Variants in RALGAPA2 observed in about 807,000 individuals in gnomAD.
The protein encoded by RALGAPA2 is Ral GTPase activating protein catalytic subunit alpha 2, also known as ral GTPase-activating protein subunit alpha-2.
In RALGAPA2, 139 loss-of-function variants were observed where a neutral mutation model predicts 230.4. The observed-to-expected ratio is 0.60, with a 90% CI of 0.53 to 0.69. The LOEUF (loss-of-function observed/expected upper bound fraction) is 0.69, where lower values mean the gene tolerates loss of function less well. Among genes scored for constraint, RALGAPA2 ranks in the 30% least tolerant of loss-of-function variants. The probability of loss-of-function intolerance (pLI) is 0.00; values close to 1 mark genes in which losing one functional copy is unlikely to be tolerated. For missense variants in RALGAPA2, 2,163 were observed against 2,276.0 expected, an observed-to-expected ratio of 0.95 and a Z score of 1.01; for synonymous variants, 847 against 837.8, an observed-to-expected ratio of 1.01 and a Z score of -0.19.
At chr20:20,703,915 C>T (rs568162643) in intron 1 of RALGAPA2, among the ~76,000 whole-genome samples, 7 of 152,278 alleles carry the variant, frequency 4.6e-5, no homozygotes, top group East Asian at 3.9e-4. Context: ...ATAGATTTTC[C>T]GCCTTCTTGA....
At chr20:20,679,742 G>A (rs1054407485) in intron 2 of RALGAPA2, among the ~76,000 whole-genome samples, 4 of 151,964 alleles carry the variant, frequency 2.6e-5, no homozygotes, top group African/African-American at 7.3e-5. Context: ...CATTCCCAAG[G>A]CCACCTCTTC....
chr20:20,616,226 C>A, intron 12 of RALGAPA2, 35 bp from the exon 13 acceptor site: 1 of 1,385,850 alleles, frequency 7.2e-7, no homozygotes, highest in South Asian at 1.5e-5. Flanking sequence ...GAAAATATAA[C>A]TGAACATAAA....
intron 20 of RALGAPA2, among the ~76,000 whole-genome samples, chr20:20,579,018 C>T (rs1455585175): frequency 2.6e-5 from 4 of 152,180 alleles, no homozygotes; most frequent in East Asian, 1.9e-4. Context: ...AAAATATAGG[C>T]GATGACAGAG....
In RALGAPA2 at chr20:20,583,124, G is replaced by T. The variant is rs1011037419; in HGVS notation, c.2633C>A (p.Pro878His). The T allele has an allele frequency of 2.5e-6, 4 of 1,613,712 alleles. No individual in the cohort carries two copies. The highest frequency in any genetic ancestry group is 1.7e-5 in the Admixed American group (1 of 59,972). ...TCEEDPELNT[P>H]TDVVADADAR... Reference sequence around the variant, plus strand: ...ATCAGCATCAGCCACAACATCTGTGGGAGTATTCAGTTCTGGGTCTTCCTC... The same window carrying T: ...ATCAGCATCAGCCACAACATCTGTGTGAGTATTCAGTTCTGGGTCTTCCTC... The change falls in exon 20 of 40, where the codon CCC (proline) becomes CAC (histidine). Residue 878 changes from proline to histidine, a missense_variant. By Grantham distance (77) the Pro-to-His change is moderately conservative (BLOSUM62 -2). Transcript: ENST00000202677.
intron 31 of RALGAPA2, among the ~76,000 whole-genome samples, chr20:20,515,858 C>A (rs2062855423): frequency 1.3e-5 from 2 of 149,920 alleles, no homozygotes; most frequent in African/African-American, 5.0e-5. Context: ...GCGGGGGGGG[C>A]AGGGAAGTGC....
intron 1 of RALGAPA2, among the ~76,000 whole-genome samples, chr20:20,694,835 A>C (rs918429146): frequency 6.6e-6 from 1 of 152,238 alleles, no homozygotes; most frequent in Non-Finnish European, 1.5e-5. Context: ...CCTGGAAAGC[A>C]CGTTCACCGG....
chr20:20,482,329 A>C (rs2061797185), intron 36 of RALGAPA2, among the ~76,000 whole-genome samples: 1 of 152,212 alleles, frequency 6.6e-6, no homozygotes, highest in Non-Finnish European at 1.5e-5. Flanking sequence ...AAGAAGGCAA[A>C]AGGGAAAAAA....
chr20:20,597,432 T>C (rs1405649432), intron 16 of RALGAPA2, among the ~76,000 whole-genome samples: 1 of 152,218 alleles, frequency 6.6e-6, no homozygotes, highest in Non-Finnish European at 1.5e-5. Flanking sequence ...GTCCTCGCTC[T>C]TGGTAAAACT....
intron 23 of RALGAPA2, among the ~76,000 whole-genome samples, chr20:20,568,027 T>G (rs997399535): frequency 1.3e-5 from 2 of 151,922 alleles, no homozygotes; most frequent in Admixed American, 1.3e-4. Context: ...AAATAAATAC[T>G]CCTAAGCACC....
chr20:20,689,168 T>C (rs918487591), intron 1 of RALGAPA2, among the ~76,000 whole-genome samples: 46 of 152,336 alleles, frequency 3.0e-4, no homozygotes, highest in African/African-American at 1.1e-3. Context: ...TGTTGATATA[T>C]TTTAAGTGAA....
chr20:20,569,379 G>A (rs1267342515), intron 23 of RALGAPA2, among the ~76,000 whole-genome samples: 1 of 152,060 alleles, frequency 6.6e-6, no homozygotes, highest in Non-Finnish European at 1.5e-5. Flanking sequence ...AAAAATTCAA[G>A]CTTCTAACTA....
At chr20:20,454,403 T>C (rs905742179) in intron 37 of RALGAPA2, among the ~76,000 whole-genome samples, 1 of 152,220 alleles carries the variant, frequency 6.6e-6, no homozygotes, top group Non-Finnish European at 1.5e-5. Flanking sequence ...CGTGGCTCTA[T>C]TGGCCACTGC....
At chr20:20,436,435 T>C (rs527330408) in intron 37 of RALGAPA2, among the ~76,000 whole-genome samples, 7 of 151,546 alleles carry the variant, frequency 4.6e-5, no homozygotes, top group South Asian at 4.2e-4. Flanking sequence ...ACGTTACTTA[T>C]CTATTCCTTC....
At chr20:20,528,137 TCG>T (rs1355013777) in intron 27 of RALGAPA2, among the ~76,000 whole-genome samples, 1 of 151,880 alleles carries the variant, frequency 6.6e-6, no homozygotes, top group African/African-American at 2.4e-5. Flanking sequence ...GTAGGAAAGG[TCG>T]GTCGGATACA....
Position 20,536,780 on chromosome 20 carries a change from G to A in RALGAPA2, c.3290C>T (p.Pro1097Leu), listed in dbSNP as rs760419789. The part of the protein sequence containing the change: ...RVLSTDILTA[P>L]RSEAVTVLGS... ...GAGGACAGTGACAGCCTCTGAACGA[G>A]GCGCCTGCACATAAGGAAGAGGAGC... Residue 1097 changes from proline to leucine, a missense_variant, in exon 25 of 40, where the codon CCT becomes CTT. By Grantham distance (98) the Pro-to-Leu change is moderately conservative. Coordinates refer to ENST00000202677, the MANE Select transcript of RALGAPA2 (RefSeq NM_020343.4). 4 of 1,611,556 alleles carry A rather than the reference G, an allele frequency of 2.5e-6. 1 individual carries two copies. The South Asian group carries it at 3.3e-5, about 13-fold the overall frequency.
chr20:20,632,329 C>T (rs2066704913), intron 9 of RALGAPA2, among the ~76,000 whole-genome samples: 1 of 152,164 alleles, frequency 6.6e-6, no homozygotes, highest in South Asian at 2.1e-4. Flanking sequence ...CGTGCCCGGC[C>T]CCTAATTGAT....
In RALGAPA2 at chr20:20,521,104, T is replaced by G. The variant is rs1384084376; in HGVS notation, c.3901-4A>C. 1 of 1,598,088 alleles carries G rather than the reference T, an allele frequency of 6.3e-7. No individual in the cohort carries two copies. The highest frequency in any genetic ancestry group is 8.6e-7 in the Non-Finnish European group (1 of 1,168,084). The stretch of plus-strand genomic sequence containing the variant: ...CACACACACAGCAGTGCAAAACCTG[T>G]GAAAACAGAGGCCATGTGCACCACG... On this transcript the variant is annotated splice_region_variant and splice_polypyrimidine_tract_variant and intron_variant, in intron 30 of 39. Transcript: ENST00000202677.
intron 23 of RALGAPA2, among the ~76,000 whole-genome samples, chr20:20,552,987 G>A (rs1433234476): frequency 6.6e-6 from 1 of 151,742 alleles, no homozygotes; most frequent in East Asian, 1.9e-4. Flanking sequence ...AAACACAGCA[G>A]AGCACGGCGC....
intron 23 of RALGAPA2, among the ~76,000 whole-genome samples, chr20:20,562,396 G>A (rs904234922): frequency 3.3e-5 from 5 of 152,068 alleles, no homozygotes; most frequent in South Asian, 2.1e-4. Context: ...ACTGATACAC[G>A]ATATCACACG....
Sources: allele counts gnomAD v4.1 joint callset (sites outside exome capture counted in the v4.1 genomes callset), GRCh38; gene constraint gnomAD v4.1.1; transcripts MANE v1.5; gene names NCBI Gene and HGNC (gene_info 2026-07-23, HGNC 2026-07-21).